STK3: variants seen among roughly 807,000 people sequenced by gnomAD.
STK3 encodes the protein serine/threonine kinase 3.
In STK3, 41 loss-of-function variants were observed where a neutral mutation model predicts 58.0. The ratio of observed to expected loss-of-function variants is 0.71; its 90% CI spans 0.55 to 0.92. The LOEUF (loss-of-function observed/expected upper bound fraction) is 0.92. Ranked by LOEUF, STK3 falls within the 40% of genes least tolerant of loss-of-function variation. The pLI is 0.00. For missense variants in STK3, 479 were observed against 602.7 expected (o/e 0.79, Z 2.15); for synonymous variants, 170 against 191.0 (o/e 0.89, Z 0.91).
intron 8 of STK3, among the ~76,000 whole-genome samples, chr8:98,577,745 C>A (rs1813531975): frequency 6.6e-6 from 1 of 152,060 alleles, no homozygotes; most frequent in Admixed American, 6.5e-5. Context: ...GTAACTAAGA[C>A]CCTCCTGAAA....
chr8:98,747,222 A>C (rs942199089), intron 4 of STK3, among the ~76,000 whole-genome samples: 3 of 152,136 alleles, frequency 2.0e-5, no homozygotes, highest in Non-Finnish European at 4.4e-5. Flanking sequence ...ATGAGTAAAT[A>C]TAAACATTTG....
intron 1 of STK3, among the ~76,000 whole-genome samples, chr8:98,893,486 GAGAAAGAAAGAA>G (rs570277403): frequency 0.023 from 983 of 43,000 alleles, 13 homozygotes; most frequent in Non-Finnish European, 0.03. Context: ...AAGAAAGAAA[GAGAAAGAAAGAA>G]AGAAAGAAAG....
intron 3 of STK3, among the ~76,000 whole-genome samples, chr8:98,420,398 CTAT>C (rs928708241): frequency 8.5e-5 from 13 of 152,218 alleles, no homozygotes; most frequent in Non-Finnish European, 1.6e-4. Context: ...TTGTTCTATT[CTAT>C]TATTAGTTAT....
intron 1 of STK3, among the ~76,000 whole-genome samples, chr8:98,900,913 C>T (rs887048439): frequency 1.1e-4 from 17 of 152,132 alleles, no homozygotes; most frequent in African/African-American, 2.7e-4. Context: ...CCGCCTGCCT[C>T]GGCTTCCTAA....
chr8:98,711,871 C>T (rs1031315667), intron 4 of STK3, among the ~76,000 whole-genome samples: 1 of 152,040 alleles, frequency 6.6e-6, no homozygotes, highest in Admixed American at 6.6e-5. Flanking sequence ...AAAATGTTAA[C>T]AGTAGCCAGA....
chr8:98,714,741 C>G (rs1343935709), intron 4 of STK3, among the ~76,000 whole-genome samples: 2 of 152,170 alleles, frequency 1.3e-5, no homozygotes, highest in African/African-American at 4.8e-5. Context: ...CCATCCCCAT[C>G]AAGCTACCAA....
intron 3 of STK3, among the ~76,000 whole-genome samples, chr8:98,838,692 C>T (rs1413321000): frequency 2.0e-5 from 3 of 152,076 alleles, no homozygotes; most frequent in South Asian, 2.1e-4. Context: ...ACAGAAGTGC[C>T]GAGGGAGGAA....
At chr8:98,930,188 C>T (rs1184539198) in intron 1 of STK3, among the ~76,000 whole-genome samples, 1 of 152,142 alleles carries the variant, frequency 6.6e-6, no homozygotes, top group Non-Finnish European at 1.5e-5. Context: ...TCTCAACTCC[C>T]TCACTACCCT....
At chr8:98,387,872 C>CTTTTT (rs1178928185) in intron 1 of STK3, among the ~76,000 whole-genome samples, 2,025 of 144,606 alleles carry the variant, frequency 0.014, 167 homozygotes, top group Admixed American at 0.11. Context: ...TGTAAAATGC[C>CTTTTT]CTTTTTTTTT....
At chr8:98,479,545 G>C (rs1304684279) in intron 10 of STK3, among the ~76,000 whole-genome samples, 1 of 149,396 alleles carries the variant, frequency 6.7e-6, no homozygotes, top group Non-Finnish European at 1.5e-5. Flanking sequence ...GCTTTTGCTA[G>C]GTCAGAGAAA....
Position 98,825,573 on chromosome 8 carries a change from A to G in STK3, c.-33T>C, listed in dbSNP as rs1460582273. On this transcript the variant is annotated 5_prime_UTR_variant, in exon 1 of 11. Transcript: ENST00000419617. Reference sequence around the variant, plus strand: ...GGGGACAGAGAGAGGGACCTGGTGGACGGCGAAGGCCGAAAGGAGGAAAGG... The same window carrying G: ...GGGGACAGAGAGAGGGACCTGGTGGGCGGCGAAGGCCGAAAGGAGGAAAGG... 2.1e-6 allele frequency: 3 copies of G among 1,445,096 alleles called. No homozygotes were observed. Among genetic ancestry groups the G allele is most frequent in the Non-Finnish European group, 2.7e-6 (3 of 1,093,390 alleles). The allele number at this position is 1,445,096 out of a possible 1,614,324, so 89.5% of individuals were successfully genotyped here.
At chr8:98,811,810 A>G (rs1172957656) in intron 1 of STK3, among the ~76,000 whole-genome samples, 2 of 152,212 alleles carry the variant, frequency 1.3e-5, no homozygotes, top group African/African-American at 4.8e-5. Flanking sequence ...ACCTCAAACT[A>G]GTAAAATGAA....
chr8:98,466,456 A>C (rs1409162873), intron 10 of STK3, among the ~76,000 whole-genome samples: 1 of 152,202 alleles, frequency 6.6e-6, no homozygotes, highest in Non-Finnish European at 1.5e-5. Flanking sequence ...TCCAGACCAA[A>C]TATAAACTTC....
intron 9 of STK3, among the ~76,000 whole-genome samples, chr8:98,544,141 T>C (rs994325087): frequency 8.6e-5 from 13 of 151,726 alleles, no homozygotes; most frequent in Non-Finnish European, 1.5e-4. Context: ...AAGCTGGATA[T>C]AGAAGTGAAG....
At chr8:98,801,225 G>A (rs564392551) in intron 1 of STK3, among the ~76,000 whole-genome samples, 4 of 152,150 alleles carry the variant, frequency 2.6e-5, no homozygotes, top group South Asian at 2.1e-4. Context: ...GATTGTAAAC[G>A]CACCAATCAG....
chr8:98,585,386 G>C (rs1438156043), intron 7 of STK3, among the ~76,000 whole-genome samples: 7 of 152,040 alleles, frequency 4.6e-5, no homozygotes, highest in Non-Finnish European at 1.0e-4. Context: ...TCTCAGGTTT[G>C]TCAAAGATCA....
chr8:98,458,554 T>C (rs1423213275), intron 10 of STK3, among the ~76,000 whole-genome samples: 2 of 152,126 alleles, frequency 1.3e-5, no homozygotes, highest in African/African-American at 2.4e-5. Flanking sequence ...TTTTGTAACC[T>C]AAGACTTTAC....
At chr8:98,862,706 AG>A (rs950242452) in intron 3 of STK3, among the ~76,000 whole-genome samples, 1 of 152,256 alleles carries the variant, frequency 6.6e-6, no homozygotes, top group African/African-American at 2.4e-5. Flanking sequence ...TGAAGAACTG[AG>A]AAGGCAGAAA....
At chr8:98,587,754 A>G (rs982610215) in intron 7 of STK3, among the ~76,000 whole-genome samples, 1 of 152,086 alleles carries the variant, frequency 6.6e-6, no homozygotes, top group African/African-American at 2.4e-5. Flanking sequence ...TAGGTCTCTA[A>G]GGACTTGCTT....
Sources: gnomAD v4.1 joint callset for allele counts (sites outside exome capture counted in the v4.1 genomes callset) on GRCh38, gnomAD v4.1.1 for gene constraint, MANE v1.5 for transcripts, NCBI Gene and HGNC (gene_info 2026-07-23, HGNC 2026-07-21) for gene names.